Variants in SCAF8 observed in about 807,000 individuals in gnomAD.
SCAF8 encodes SR-related and CTD-associated factor 8.
Under a neutral mutation model 140.5 loss-of-function variants are expected in SCAF8, and 23 were observed. The ratio of observed to expected loss-of-function variants is 0.16; its 90% confidence interval spans 0.12 to 0.23. The LOEUF (loss-of-function observed/expected upper bound fraction) is 0.23. SCAF8 is among the 10% of genes least tolerant of loss of function. The pLI is 1.00. For synonymous variants in SCAF8, 575 were observed against 528.9 expected, an observed-to-expected ratio of 1.09 and a Z score of -1.20; for missense variants, 1,397 against 1,555.7, an observed-to-expected ratio of 0.90 and a Z score of 1.72.
intron 5 of SCAF8, 24 bp from the exon 6 acceptor site, chr6:154,794,985 G>A: frequency 6.4e-7 from 1 of 1,565,780 alleles, no homozygotes; most frequent in East Asian, 2.3e-5. Context: ...ATTTATTTGG[G>A]GGGTGTGATG....
intron 6 of SCAF8, among the ~76,000 whole-genome samples, chr6:154,799,775 CTATT>C (rs376273596): frequency 0.029 from 4,292 of 150,472 alleles, 120 homozygotes; most frequent in Middle Eastern, 0.095. Context: ...TCAGTGACTG[CTATT>C]TATTTATTTA....
chr6:154,802,479 A>G (rs758971155), intron 7 of SCAF8, among the ~76,000 whole-genome samples: 24 of 151,916 alleles, frequency 1.6e-4, no homozygotes, highest in Non-Finnish European at 3.1e-4. Flanking sequence ...AAAATTAGCC[A>G]GATGATGCGT....
rs1778782736 is a variant in SCAF8, at chr6:154,832,672, C to G, written c.3093C>G (p.Pro1031=). The G allele has an allele frequency of 1.9e-6, 3 of 1,613,862 alleles. No individual in the cohort carries two copies. The highest frequency in any genetic ancestry group is 2.5e-6 in the Non-Finnish European group (3 of 1,179,988). ...IETRESISRP[P]PVDVRDVVGR... ...CCAGGGAAAGCATTAGTAGACCTCC[C>G]CCTGTGGATGTTAGAGATGTGGTTG... Residue 1031 remains proline, a synonymous_variant, in exon 20 of 20, where the codon CCC becomes CCG. Transcript: ENST00000367178.
At chr6:154,794,501 A>G (rs11752794) in intron 5 of SCAF8, among the ~76,000 whole-genome samples, 174 of 152,296 alleles carry the variant, frequency 1.1e-3, no homozygotes, top group Admixed American at 2.2e-3. Context: ...GAGAGAGACC[A>G]TATTCACATA....
At chr6:154,820,105 T>A in intron 14 of SCAF8, 72 bp from the exon 15 acceptor site, 2 of 1,224,132 alleles carry the variant, frequency 1.6e-6, no homozygotes, top group Non-Finnish European at 1.1e-6. Flanking sequence ...TAAATAAAAT[T>A]TTGAACTTTT....
At chr6:154,744,545 A>G (rs1055336439) in intron 1 of SCAF8, among the ~76,000 whole-genome samples, 2 of 152,176 alleles carry the variant, frequency 1.3e-5, no homozygotes, top group African/African-American at 4.8e-5. Flanking sequence ...CATTTTACAG[A>G]CAAGGAAACT....
At chr6:154,747,766 C>G (rs556115886) in intron 1 of SCAF8, among the ~76,000 whole-genome samples, 1 of 152,140 alleles carries the variant, frequency 6.6e-6, no homozygotes, top group Non-Finnish European at 1.5e-5. Flanking sequence ...TGGAAATATT[C>G]ATTTAACACA....
intron 17 of SCAF8, among the ~76,000 whole-genome samples, chr6:154,826,691 G>A (rs1056651241): frequency 2.6e-5 from 4 of 152,044 alleles, no homozygotes; most frequent in Non-Finnish European, 5.9e-5. Flanking sequence ...AGACCAGCCT[G>A]GGAAACATAG....
At chr6:154,779,927 TGTA>T (rs756324433) in intron 3 of SCAF8, among the ~76,000 whole-genome samples, 1 of 152,144 alleles carries the variant, frequency 6.6e-6, no homozygotes, top group Non-Finnish European at 1.5e-5. Flanking sequence ...TCTGTAGAAT[TGTA>T]GTAAAATATT....
At chr6:154,754,785 T>G (rs1321357291) in intron 1 of SCAF8, among the ~76,000 whole-genome samples, 2 of 152,244 alleles carry the variant, frequency 1.3e-5, no homozygotes, top group Non-Finnish European at 2.9e-5. Context: ...TTTCAGTATT[T>G]ATTCCTTATC....
intron 13 of SCAF8, 75 bp downstream of exon 13, chr6:154,815,891 C>G (rs932971614): frequency 1.3e-6 from 1 of 778,480 alleles, no homozygotes; most frequent in Non-Finnish European, 2.2e-6. Flanking sequence ...ACTTCTGTTC[C>G]TAATTAGCCC....
chr6:154,735,990 C>T (rs574735255), intron 1 of SCAF8, among the ~76,000 whole-genome samples: 22 of 151,800 alleles, frequency 1.4e-4, no homozygotes, highest in South Asian at 1.2e-3. Flanking sequence ...TCACCATGCC[C>T]GTCATTTTTA....
At chr6:154,740,759 C>T (rs1242452012) in intron 1 of SCAF8, among the ~76,000 whole-genome samples, 1 of 151,968 alleles carries the variant, frequency 6.6e-6, no homozygotes, top group South Asian at 2.1e-4. Context: ...GCTGGAACCA[C>T]AGGCACGCAC....
rs769019763 is a variant in SCAF8 at position 154,832,770 on chromosome 6, C to T, written c.3191C>T (p.Pro1064Leu). 5 of 1,613,834 alleles carry T rather than the reference C, an allele frequency of 3.1e-6. No homozygotes were observed. The highest frequency in any genetic ancestry group is 4.2e-6 in the Non-Finnish European group (5 of 1,179,974). The change falls in exon 20 of 20, where the codon CCT (proline) becomes CTT (leucine). Residue 1064 changes from proline (P) to leucine (L), a missense_variant. By Grantham distance (98) the Pro-to-Leu change is moderately conservative. Transcript: ENST00000367178. ...GGTAGGGATCATTTTGGAAGACCTC[C>T]TGTAGATATAAGAGAGAATCTTGTG... ...LDGRDHFGRP[P>L]VDIRENLVRP... is the part of the protein sequence containing the mutation.
At chr6:154,734,496 G>C (rs1340109054) in intron 1 of SCAF8, among the ~76,000 whole-genome samples, 2 of 152,188 alleles carry the variant, frequency 1.3e-5, no homozygotes, top group East Asian at 3.8e-4. Flanking sequence ...TGGTAGGCAG[G>C]CAAAGGTTAT....
In SCAF8 at chr6:154,802,617, C is replaced by CA. The variant is rs71763761; in HGVS notation, c.783+482dup. ...GGGTGACAGAGAAAGACTCTTGACT[C>CA]AAAAAAAAAAAATTTTTTTTGAAAC... On this transcript the variant is annotated intron_variant, in intron 7 of 19. Coordinates refer to ENST00000367178, the MANE Select transcript of SCAF8 (RefSeq NM_014892.5). 2.8e-3 allele frequency among the ~76,000 whole-genome samples: 370 copies of CA among 130,110 alleles called. 1 individual carries two copies. Among genetic ancestry groups the CA allele is most frequent in the African/African-American group, 9.5e-3 (324 of 34,184 alleles). 85.4% of individuals were successfully genotyped at this position (130,110 alleles called of 152,430 possible). A position where few individuals can be genotyped will look rare whatever the true frequency, so the allele number is the denominator to read the frequency against.
intron 5 of SCAF8, among the ~76,000 whole-genome samples, chr6:154,793,431 A>T (rs909106397): frequency 2.6e-5 from 4 of 151,762 alleles, no homozygotes; most frequent in Non-Finnish European, 5.9e-5. Flanking sequence ...TAATTTAAAA[A>T]TTTTTTGAAA....
At chr6:154,834,235 A>G (rs1051546325), downstream of SCAF8, 1 of 152,188 alleles carries the variant, frequency 6.6e-6, no homozygotes, top group African/African-American at 2.4e-5. Flanking sequence ...TGTGTATAAT[A>G]TCTGTGTATG....
At chr6:154,806,657 G>T (rs145315305) in intron 9 of SCAF8, among the ~76,000 whole-genome samples, 49 of 152,170 alleles carry the variant, frequency 3.2e-4, no homozygotes, top group African/African-American at 1.1e-3. Flanking sequence ...GAGACATTGG[G>T]GTCTGAACTT....
Sources: gnomAD v4.1 joint callset for allele counts (sites outside exome capture counted in the v4.1 genomes callset) on GRCh38, gnomAD v4.1.1 for gene constraint, MANE v1.5 for transcripts, NCBI Gene and HGNC (gene_info 2026-07-23, HGNC 2026-07-21) for gene names.